The following AURKA variants were observed in gnomAD, a reference collection of about 807,000 sequenced individuals.
AURKA encodes the protein aurora kinase A.
AURKA carries 12 observed loss-of-function variants against 40.9 expected under a neutral mutation model. That is an observed-to-expected ratio of 0.29 (90% CI 0.19 to 0.48). AURKA has a LOEUF of 0.48. Among genes scored for constraint, AURKA ranks in the 20% least tolerant of loss-of-function variants. The pLI, the probability that AURKA is intolerant of heterozygous loss-of-function variation, is 0.99. For synonymous variants in AURKA, 170 were observed against 164.3 expected, an observed-to-expected ratio of 1.03 and a Z score of -0.26; for missense variants, 322 against 462.1, an observed-to-expected ratio of 0.70 and a Z score of 2.78.
At chr20:56,385,662 T>C (rs887886388) in intron 3 of AURKA, among the ~76,000 whole-genome samples, 3 of 152,086 alleles carry the variant, frequency 2.0e-5, no homozygotes, top group African/African-American at 7.2e-5. Flanking sequence ...GGTTTCTCCA[T>C]GTTGGTCAGA....
chr20:56,374,826 T>C (rs981605382), intron 6 of AURKA, among the ~76,000 whole-genome samples: 5 of 152,174 alleles, frequency 3.3e-5, no homozygotes, highest in African/African-American at 1.2e-4. Context: ...GACAGGTGGA[T>C]CACCTGAAGT....
intron 5 of AURKA, among the ~76,000 whole-genome samples, chr20:56,381,862 C>A (rs1190829044): frequency 6.6e-6 from 1 of 152,066 alleles, no homozygotes; most frequent in Admixed American, 6.6e-5. Context: ...TATTAATTAT[C>A]TACATATTAA....
chr20:56,374,984 G>T (rs564112889), intron 6 of AURKA, among the ~76,000 whole-genome samples: 4 of 152,126 alleles, frequency 2.6e-5, no homozygotes, highest in Non-Finnish European at 4.4e-5. Flanking sequence ...GGAGGTAGAG[G>T]TTGCAGTGAG....
chr20:56,378,741 G>A (rs772536854), intron 6 of AURKA, among the ~76,000 whole-genome samples: 3 of 152,106 alleles, frequency 2.0e-5, no homozygotes, highest in Non-Finnish European at 4.4e-5. Context: ...AAAATACACA[G>A]ATGAATCTTC....
chr20:56,383,544 C>T (rs1401521364), intron 4 of AURKA, among the ~76,000 whole-genome samples: 1 of 152,186 alleles, frequency 6.6e-6, no homozygotes, highest in Admixed American at 6.5e-5. Context: ...CATCTGGGGG[C>T]ATGTTTCAAA....
At chr20:56,384,001 C>T (rs1569078794) in intron 4 of AURKA, among the ~76,000 whole-genome samples, 1 of 152,156 alleles carries the variant, frequency 6.6e-6, no homozygotes, top group Admixed American at 6.5e-5. Flanking sequence ...TTTCTAAGGA[C>T]AGAGAGGAAC....
intron 6 of AURKA, among the ~76,000 whole-genome samples, chr20:56,380,918 G>A (rs1365791505): frequency 1.3e-5 from 2 of 152,090 alleles, no homozygotes; most frequent in Non-Finnish European, 2.9e-5. Flanking sequence ...ATGTTAGTAG[G>A]AGAATTAGTA....
chr20:56,390,294 A>G (rs1342577677), intron 1 of AURKA, among the ~76,000 whole-genome samples: 1 of 145,138 alleles, frequency 6.9e-6, no homozygotes. Flanking sequence ...TCAGTCTTTC[A>G]TTTCACTGAG....
chr20:56,391,204 G>A (rs1483481271), intron 1 of AURKA, among the ~76,000 whole-genome samples: 1 of 152,226 alleles, frequency 6.6e-6, no homozygotes, highest in Non-Finnish European at 1.5e-5. Context: ...TCCTCCCTCA[G>A]ACCTGTGCAT....
intron 6 of AURKA, among the ~76,000 whole-genome samples, chr20:56,374,383 T>C (rs1363539348): frequency 6.6e-6 from 1 of 152,222 alleles, no homozygotes; most frequent in Admixed American, 6.5e-5. Context: ...ATTCCCTTTT[T>C]TAAAACCAAG....
intron 5 of AURKA, 22 bp downstream of exon 5, chr20:56,382,963 G>T: frequency 6.2e-7 from 1 of 1,612,282 alleles, no homozygotes; most frequent in South Asian, 1.1e-5. Flanking sequence ...ACATTCTTTT[G>T]AACATGAACC....
intron 1 of AURKA, among the ~76,000 whole-genome samples, chr20:56,389,797 A>G (rs1026987313): frequency 5.3e-5 from 8 of 152,180 alleles, no homozygotes; most frequent in African/African-American, 1.9e-4. Context: ...CCTTGGCATA[A>G]TAACCCTTTA....
intron 6 of AURKA, among the ~76,000 whole-genome samples, chr20:56,374,851 C>T (rs1406099015): frequency 4.6e-5 from 7 of 152,092 alleles, no homozygotes; most frequent in South Asian, 2.1e-4. Flanking sequence ...AGTTCGAGAC[C>T]GGCCTGACCA....
intron 5 of AURKA, among the ~76,000 whole-genome samples, chr20:56,381,932 G>A (rs533550909): frequency 1.2e-4 from 18 of 152,226 alleles, no homozygotes; most frequent in Admixed American, 6.5e-4. Flanking sequence ...TTGGGAGGCC[G>A]AGGCGGGAGG....
rs2146190713 is a variant in AURKA at position 56,383,036 on chromosome 20, G to A, written c.515C>T (p.Ala172Val). The A allele has an allele frequency of 1.9e-6, 3 of 1,614,202 alleles. No individual in the cohort carries two copies. Among genetic ancestry groups the A allele is most frequent in the Non-Finnish European group, 2.5e-6 (3 of 1,180,042 alleles). Residue 172 changes from alanine (A) to valine (V), a missense_variant, in exon 5 of 9, where the codon GCC becomes GTC. By Grantham distance (64) the Ala-to-Val change is moderately conservative (BLOSUM62 0). Transcript: ENST00000395915. ...TCTTCTGAGCTGATGCTCCACTCCGGCTTTCTCCAGCTGAGCTTTAAATAA... is the reference window on the plus strand; with the variant it reads ...TCTTCTGAGCTGATGCTCCACTCCGACTTTCTCCAGCTGAGCTTTAAATAA... The part of the protein sequence containing the change: ...KVLFKAQLEK[A>V]GVEHQLRREV...
In AURKA at chr20:56,370,536, C is replaced by G. The variant is rs1341455664; in HGVS notation, c.978G>C (p.Lys326Asn). ...GGTATGTGTTTGCCTCAAAAGGAGGCTTCCCAACTAAAAATTCATAGCAAA... is the reference window on the plus strand; with the variant it reads ...GGTATGTGTTTGCCTCAAAAGGAGGGTTCCCAACTAAAAATTCATAGCAAA... Reference protein sequence around the residue: ...GVLCYEFLVGKPPFEANTYQE... With the variant: ...GVLCYEFLVGNPPFEANTYQE... Residue 326 changes from lysine to asparagine, a missense_variant, in exon 8 of 9, where the codon AAG (lysine) becomes AAC (asparagine). Transcript: ENST00000395915. 5 of 1,614,050 alleles carry G rather than the reference C, an allele frequency of 3.1e-6. No individual in the cohort carries two copies. Among genetic ancestry groups the G allele is most frequent in the Non-Finnish European group, 4.2e-6 (5 of 1,180,044 alleles).
chr20:56,377,928 T>C (rs1352572096), intron 6 of AURKA, among the ~76,000 whole-genome samples: 8 of 152,128 alleles, frequency 5.3e-5, no homozygotes, highest in Admixed American at 5.2e-4. Context: ...AATCCCAATA[T>C]TTTGGGAGGC....
Position 56,370,642 on chromosome 20 carries a change from C to G in AURKA, c.872G>C (p.Gly291Ala), listed in dbSNP as rs560948705. The G allele has an allele frequency of 6.2e-7, 1 of 1,614,194 alleles. No individual in the cohort carries two copies. The highest frequency in any genetic ancestry group is 1.3e-5 in the African/African-American group (1 of 75,026). ...TTCAGGGGGCAGGTAGTCCAGGGTG[C>G]CACAGAGAGTGGTCCTCCTGAAAAC... ...APSSRRTTLC[G>A]TLDYLPPEMI... The change falls in exon 8 of 9, where the codon GGC (glycine) becomes GCC (alanine). Residue 291 changes from glycine (G) to alanine (A), a missense_variant. Physicochemically the swap from Gly to Ala is moderately conservative, Grantham distance 60 (BLOSUM62 0). Coordinates refer to ENST00000395915, the MANE Select transcript of AURKA (RefSeq NM_198437.3).
chr20:56,371,416 G>A (rs189282877), intron 7 of AURKA, among the ~76,000 whole-genome samples: 14 of 150,296 alleles, frequency 9.3e-5, no homozygotes, highest in Non-Finnish European at 1.9e-4. Flanking sequence ...AGCCAAGATC[G>A]CACCACTGCA....
Sources: allele counts gnomAD v4.1 joint callset (sites outside exome capture counted in the v4.1 genomes callset), GRCh38; gene constraint gnomAD v4.1.1; transcripts MANE v1.5; gene names NCBI Gene and HGNC (gene_info 2026-07-23, HGNC 2026-07-21).